Variants in MBNL3 observed in about 807,000 individuals in gnomAD.
MBNL3 encodes muscleblind-like protein 3.
Under a neutral mutation model 24.5 loss-of-function variants are expected in MBNL3, and 6 were observed. The observed-to-expected ratio is 0.25, with a 90% CI of 0.13 to 0.48. The LOEUF is 0.48. Among genes scored for constraint, MBNL3 ranks in the 20% least tolerant of loss-of-function variants. MBNL3 has a pLI of 0.99. For missense variants in MBNL3, 230 were observed against 293.5 expected (o/e 0.78, Z 1.58); for synonymous variants, 100 against 101.7 (o/e 0.98, Z 0.10).
chrX:132,396,147 G>A (rs1035191799), intron 3 of MBNL3, among the ~76,000 whole-genome samples: 1 of 107,733 alleles, frequency 9.3e-6, no homozygotes, highest in Non-Finnish European at 1.9e-5. Flanking sequence ...GTAGATATTT[G>A]TTTCCTCTCT....
chrX:132,381,388 AAC>A (rs1934911531), intron 8 of MBNL3: 3 of 1,179,406 alleles, frequency 2.5e-6, no homozygotes, highest in Non-Finnish European at 3.4e-6. Flanking sequence ...ACATCTGTGA[AAC>A]AAACATGCTG....
intron 5 of MBNL3, among the ~76,000 whole-genome samples, chrX:132,388,746 T>C (rs940286654): frequency 1.8e-5 from 2 of 111,534 alleles, no homozygotes; most frequent in Non-Finnish European, 3.8e-5. Flanking sequence ...TCTCTCTTTT[T>C]TTTTTTAAAT....
chrX:132,473,605 AACACACGCACACAC>A (rs1169545198), intron 1 of MBNL3, among the ~76,000 whole-genome samples: 1 of 111,048 alleles, frequency 9.0e-6, no homozygotes, highest in Non-Finnish European at 1.9e-5. Context: ...TAGAAGAATA[AACACACGCACACAC>A]ACACACGCAC....
chrX:132,422,745 C>T lies in MBNL3; in HGVS notation c.178-16353G>A, dbSNP rs867238496. Among the ~76,000 whole-genome samples, 5 of 111,799 alleles carry T rather than the reference C, an allele frequency of 4.5e-5. 1 individual carries two copies. The highest frequency in any genetic ancestry group is 4.7e-3 in the Middle Eastern group (1 of 215). On this transcript the variant is annotated intron_variant, in intron 2 of 8. Transcript: ENST00000370853. ...GCTTTGAAACATCATCCTTAATTGA[C>T]ACCCTGCTAAACCAATTATGGTTTT...
intron 2 of MBNL3, among the ~76,000 whole-genome samples, chrX:132,422,252 G>A (rs1285679763): frequency 9.1e-6 from 1 of 110,351 alleles, no homozygotes; most frequent in African/African-American, 3.3e-5. Context: ...GCCTTTCAGG[G>A]TACAAAAAAG....
intron 5 of MBNL3, among the ~76,000 whole-genome samples, chrX:132,389,725 C>G (rs1299994230): frequency 9.0e-6 from 1 of 111,126 alleles, no homozygotes; most frequent in Non-Finnish European, 1.9e-5. Context: ...AAAGACATAG[C>G]AAGCAGCACA....
At chrX:132,485,616 C>T (rs1044403169) in intron 1 of MBNL3, among the ~76,000 whole-genome samples, 2 of 112,178 alleles carry the variant, frequency 1.8e-5, no homozygotes, top group African/African-American at 6.5e-5. Flanking sequence ...ATGGAACCAT[C>T]TGGTATCCTT....
rs959117638 is a variant in MBNL3 at position 132,455,529 on chromosome X, T to G, written c.-703-15215A>C. 2.7e-5 allele frequency among the ~76,000 whole-genome samples: 3 copies of G among 111,879 alleles called. No individual in the cohort carries two copies. The Admixed American group carries it at 2.8e-4, about 11-fold the overall frequency. The stretch of plus-strand genomic sequence containing the variant: ...GGGACAAAGTAACCTACTGATTACT[T>G]CAACCTTGAACAGAGGCCCAGAAGG... On this transcript the variant is annotated intron_variant, in intron 1 of 8. Transcript: ENST00000370853.
intron 5 of MBNL3, 136 bp downstream of exon 5, chrX:132,390,711 C>T (rs778987753): frequency 4.4e-6 from 2 of 459,452 alleles, no homozygotes; most frequent in East Asian, 6.9e-5. Context: ...CTTTCTTTTC[C>T]AGCTTATAAC....
intron 1 of MBNL3, among the ~76,000 whole-genome samples, chrX:132,488,526 G>T (rs1164646952): frequency 9.0e-6 from 1 of 111,421 alleles, no homozygotes; most frequent in Non-Finnish European, 1.9e-5. Context: ...GATATCGCGT[G>T]AAAATGGGGA....
At position 132,396,915 on chromosome X, in the gene MBNL3, C is replaced by CAT. The variant is rs1176044919; in HGVS notation, c.343-4583_343-4582dup. On this transcript the variant is annotated intron_variant, in intron 3 of 8. Coordinates refer to ENST00000370853, the MANE Select transcript of MBNL3 (RefSeq NM_001386889.1). ...ATATATATTCATATATACATATATA[C>CAT]ATATATATTCATATATACATTCATA... 1.6e-4 allele frequency among the ~76,000 whole-genome samples: 6 copies of CAT among 36,559 alleles called. No individual in the cohort carries two copies. The East Asian group carries it at 2.5e-3, about 15-fold the overall frequency. 31.7% of individuals were successfully genotyped at this position (36,559 alleles called of 115,157 possible). A position where few individuals can be genotyped will look rare whatever the true frequency, so the allele number is the denominator to read the frequency against.
At chrX:132,401,427 C>T in intron 3 of MBNL3, among the ~76,000 whole-genome samples, 1 of 109,434 alleles carries the variant, frequency 9.1e-6, no homozygotes, top group South Asian at 4.0e-4. Flanking sequence ...AGTGAGATCA[C>T]ATTTCTATTT....
rs1489163288 is a variant in MBNL3, at chrX:132,378,911, A to C, written c.*755T>G. 5 of 112,199 alleles carry C rather than the reference A, an allele frequency of 4.5e-5. No individual in the cohort carries two copies. Among genetic ancestry groups the C allele is most frequent in the Non-Finnish European group, 9.4e-5 (5 of 53,193 alleles). 9.2% of individuals were successfully genotyped at this position (112,199 alleles called of 1,213,427 possible). On this transcript the variant is annotated 3_prime_UTR_variant, in exon 9 of 9. Coordinates refer to ENST00000370853, the MANE Select transcript of MBNL3 (RefSeq NM_001386889.1). ...TATTTCTCTCTTTAAAAAATCTAGTAATTTGATTGTATTATGCAACATCAG... is the reference window on the plus strand; with the variant it reads ...TATTTCTCTCTTTAAAAAATCTAGTCATTTGATTGTATTATGCAACATCAG...
chrX:132,437,949 A>G (rs1945201731), intron 2 of MBNL3: 1 of 634,819 alleles, frequency 1.6e-6, no homozygotes, highest in South Asian at 8.3e-5. Context: ...ATGGTCTGCA[A>G]AAAAAAACAA....
chrX:132,421,064 G>A (rs921195307), intron 2 of MBNL3, among the ~76,000 whole-genome samples: 4 of 111,487 alleles, frequency 3.6e-5, no homozygotes, highest in Non-Finnish European at 7.5e-5. Flanking sequence ...ATTCTATTTA[G>A]TTTTAGATCA....
At chrX:132,444,059 C>T (rs1249968175) in intron 1 of MBNL3, among the ~76,000 whole-genome samples, 1 of 91,585 alleles carries the variant, frequency 1.1e-5, no homozygotes, top group Non-Finnish European at 2.1e-5. Context: ...CTATCATATT[C>T]TTCCTCATGC....
chrX:132,454,488 A>G (rs1946276555), intron 1 of MBNL3, among the ~76,000 whole-genome samples: 1 of 111,765 alleles, frequency 8.9e-6, no homozygotes, highest in Admixed American at 9.5e-5. Context: ...TAGCCAATAA[A>G]TTCAGATTCT....
chrX:132,484,083 G>A (rs1234981286), intron 1 of MBNL3, among the ~76,000 whole-genome samples: 4 of 111,130 alleles, frequency 3.6e-5, no homozygotes, highest in African/African-American at 1.3e-4. Flanking sequence ...TGTGGGGGAG[G>A]TATTCTAAAT....
intron 2 of MBNL3, among the ~76,000 whole-genome samples, chrX:132,434,443 A>G (rs1944991422): frequency 8.9e-6 from 1 of 112,430 alleles, no homozygotes; most frequent in Non-Finnish European, 1.9e-5. Flanking sequence ...GGGATGATGA[A>G]TAAATGGGGG....
Sources: gnomAD v4.1 joint callset for allele counts (sites outside exome capture counted in the v4.1 genomes callset) on GRCh38, gnomAD v4.1.1 for gene constraint, MANE v1.5 for transcripts, NCBI Gene and HGNC (gene_info 2026-07-23, HGNC 2026-07-21) for gene names.